SLC68A1: variants seen among roughly 807,000 people sequenced by gnomAD.
SLC68A1 encodes the protein solute carrier family 68 member 1.
the SLC68A1 span, among the ~76,000 whole-genome samples, chr10:102,464,106 C>A: frequency 0.99 from 151,220 of 152,332 alleles, 75,064 homozygotes; most frequent in East Asian, 1. Context: ...TTGGCCTTCC[C>A]AAGTCCTAAA....
At chr10:102,470,993 G>T in the SLC68A1 span, 3 of 1,613,234 alleles carry the variant, frequency 1.9e-6, no homozygotes, top group Admixed American at 5.0e-5. Flanking sequence ...CTCCTTCCGC[G>T]CTTTCTGCGT....
the SLC68A1 span, chr10:102,471,006 C>T: frequency 6.2e-7 from 1 of 1,613,496 alleles, no homozygotes. Context: ...TTCTGCGTGA[C>T]ACTGGCTGTC....
chr10:102,473,631 G>A, the SLC68A1 span: 3 of 1,613,932 alleles, frequency 1.9e-6, no homozygotes, highest in Admixed American at 1.7e-5. Context: ...GCCGGCGCTG[G>A]GGCGTCTACG....
the SLC68A1 span, among the ~76,000 whole-genome samples, chr10:102,469,549 T>TA: frequency 8.8e-6 from 1 of 113,692 alleles, no homozygotes; most frequent in Middle Eastern, 5.6e-3. Flanking sequence ...AGTAGGTTTT[T>TA]TTGTTTTTTT....
the SLC68A1 span, chr10:102,469,885 T>A: frequency 6.8e-7 from 1 of 1,472,202 alleles, no homozygotes. Flanking sequence ...GGTTTGCAGG[T>A]AGGAAAGCTG....
chr10:102,476,446 C>G, the SLC68A1 span: 1 of 922,648 alleles, frequency 1.1e-6, no homozygotes, highest in Non-Finnish European at 1.3e-6. Context: ...CTCAAGTGAT[C>G]TGCCTGCCTT....
At chr10:102,462,017 A>T in the SLC68A1 span, 1 of 151,440 alleles carries the variant, frequency 6.6e-6, no homozygotes, top group East Asian at 2.0e-4. Flanking sequence ...GTGGCTTGGG[A>T]GGGGTGGGTG....
At chr10:102,464,828 G>A in the SLC68A1 span, among the ~76,000 whole-genome samples, 1 of 150,416 alleles carries the variant, frequency 6.6e-6, no homozygotes, top group Non-Finnish European at 1.5e-5. Context: ...AAAGAAAATG[G>A]CTACTGTGGG....
the SLC68A1 span, among the ~76,000 whole-genome samples, chr10:102,471,590 T>A: frequency 6.6e-6 from 1 of 151,920 alleles, no homozygotes; most frequent in Non-Finnish European, 1.5e-5. Context: ...CGAAACCCCA[T>A]AAAAATACAA....
the SLC68A1 span, chr10:102,470,041 C>T: frequency 6.2e-7 from 1 of 1,614,104 alleles, no homozygotes; most frequent in Non-Finnish European, 8.5e-7. Context: ...CTTCGGTTGG[C>T]TCAGTGACCG....
At chr10:102,469,471 C>T in the SLC68A1 span, among the ~76,000 whole-genome samples, 1 of 152,068 alleles carries the variant, frequency 6.6e-6, no homozygotes, top group East Asian at 1.9e-4. Context: ...AATTTATCAG[C>T]TGCATACATT....
the SLC68A1 span, among the ~76,000 whole-genome samples, chr10:102,463,912 G>C: frequency 6.6e-6 from 1 of 152,284 alleles, no homozygotes; most frequent in African/African-American, 2.4e-5. Flanking sequence ...GTGGCATTTA[G>C]AAAGGAATTT....
At chr10:102,468,768 G>A in the SLC68A1 span, 16 of 352,130 alleles carry the variant, frequency 4.5e-5, no homozygotes, top group East Asian at 5.0e-4. Flanking sequence ...CTGTTTCCTC[G>A]AGTCACTCCC....
At chr10:102,474,017 G>C in the SLC68A1 span, 1 of 1,588,182 alleles carries the variant, frequency 6.3e-7, no homozygotes, top group Admixed American at 1.7e-5. Context: ...ACACAGGTGA[G>C]GGCCTGGTAG....
At chr10:102,473,020 G>A in the SLC68A1 span, 4 of 1,246,714 alleles carry the variant, frequency 3.2e-6, no homozygotes, top group South Asian at 3.6e-5. Flanking sequence ...TAGAGATGGG[G>A]TTTCACCGTA....
chr10:102,465,371 G>A, the SLC68A1 span, among the ~76,000 whole-genome samples: 1 of 152,146 alleles, frequency 6.6e-6, no homozygotes, highest in African/African-American at 2.4e-5. Flanking sequence ...GTTGCAGTGA[G>A]CTGAGATTGA....
chr10:102,468,610 T>G, the SLC68A1 span: 1 of 155,596 alleles, frequency 6.4e-6, no homozygotes. Flanking sequence ...GAGCTTACAG[T>G]GAGCGGAGAT....
the SLC68A1 span, among the ~76,000 whole-genome samples, chr10:102,464,157 C>G: frequency 6.6e-6 from 1 of 152,178 alleles, no homozygotes; most frequent in Non-Finnish European, 1.5e-5. Context: ...AGTGACTGAT[C>G]TTTAAAGATC....
At chr10:102,462,905 TACTC>T in the SLC68A1 span, among the ~76,000 whole-genome samples, 3 of 152,216 alleles carry the variant, frequency 2.0e-5, no homozygotes, top group African/African-American at 7.2e-5. Flanking sequence ...TTTAGTGTCT[TACTC>T]AGAGAGGCAC....
Sources: allele counts gnomAD v4.1 joint callset (sites outside exome capture counted in the v4.1 genomes callset), GRCh38; gene constraint gnomAD v4.1.1; transcripts MANE v1.5; gene names NCBI Gene and HGNC (gene_info 2026-07-23, HGNC 2026-07-21).